ZNF214: variants seen among roughly 807,000 people sequenced by gnomAD.
ZNF214 encodes the protein zinc finger protein 214, also known as BWSCR2-associated zinc finger protein 1.
Under a neutral mutation model 53.9 loss-of-function variants are expected in ZNF214, and 43 were observed. The observed-to-expected ratio is 0.80, with a 90% CI of 0.63 to 1.03. The LOEUF (loss-of-function observed/expected upper bound fraction) is 1.03, where lower values mean the gene tolerates loss of function less well. ZNF214 is among the 50% of genes least tolerant of loss of function. The pLI, the probability that ZNF214 is intolerant of heterozygous loss-of-function variation, is 0.00. For synonymous variants in ZNF214, 217 were observed against 229.5 expected (o/e 0.95, Z 0.49); for missense variants, 724 against 719.1 (o/e 1.01, Z -0.08).
rs2133382769 is a variant in ZNF214 at position 7,001,370 on chromosome 11, C to T, written c.313G>A (p.Glu105Lys). 1.9e-6 allele frequency: 3 copies of T among 1,613,090 alleles called. No homozygotes were observed. The South Asian group carries it at 3.3e-5, about 18-fold the overall frequency. Residue 105 changes from glutamate to lysine, a missense_variant, in exon 3 of 3, where the codon GAA (glutamate) becomes AAA (lysine). Physicochemically the swap from Glu to Lys is moderately conservative, Grantham distance 56 (BLOSUM62 1). Transcript: ENST00000278314. ...ACTTGTGTGGAGAGTATTAACCATT[C>T]CTGACACTGGGAACGATCTTGCTGT... The part of the protein sequence containing the change: ...LTQQDRSQCQ[E>K]WLILSTQVPG...
At position 7,000,754 on chromosome 11, in the gene ZNF214, T is replaced by C; in HGVS notation, c.929A>G (p.Lys310Arg). The change falls in exon 3 of 3, where the codon AAG becomes AGG. Residue 310 changes from lysine to arginine, a missense_variant. Transcript: ENST00000278314. ...AAGACTAGAGATCTGGCTGAAGCTC[T>C]TACCACATGCATTACAGCTATAAGG... is the stretch of plus-strand genomic sequence containing the variant. The part of the protein sequence containing the change: ...EVPYSCNACG[K>R]SFSQISSLHN... 6.2e-7 allele frequency: 1 copy of C among 1,610,774 alleles called. No individual in the cohort carries two copies.
rs1019884622 is a variant in ZNF214, at chr11:6,997,298, C to T, written c.*2564G>A. 6.6e-6 allele frequency among the ~76,000 whole-genome samples: 1 copy of T among 151,810 alleles called. No homozygotes were observed. Among genetic ancestry groups the T allele is most frequent in the Non-Finnish European group, 1.5e-5 (1 of 67,838 alleles). Reference sequence around the variant, plus strand: ...CCTTTATGTTTGTCTAATAAACCTTCACCTGGTCTCACATTTAAGCAATAT... The same window carrying T: ...CCTTTATGTTTGTCTAATAAACCTTTACCTGGTCTCACATTTAAGCAATAT... On this transcript the variant is annotated 3_prime_UTR_variant, in exon 3 of 3. Transcript: ENST00000278314.
intron 2 of ZNF214, 117 bp from the exon 3 acceptor site, chr11:7,001,672 A>T: frequency 8.1e-7 from 1 of 1,231,950 alleles, no homozygotes; most frequent in Non-Finnish European, 1.1e-6. Flanking sequence ...GGGGTAGGAA[A>T]GAAGGGTTAT....
In ZNF214 at chr11:6,997,253, A is replaced by G. The variant is rs1429695129; in HGVS notation, c.*2609T>C. On this transcript the variant is annotated 3_prime_UTR_variant, in exon 3 of 3. Coordinates refer to ENST00000278314, the MANE Select transcript of ZNF214 (RefSeq NM_013249.4). The stretch of plus-strand genomic sequence containing the variant: ...TTAAATTAGTGCACTTTTCACCTTT[A>G]AAAACATATTGTAGGTACTCCTTTA... Among the ~76,000 whole-genome samples the G allele has an allele frequency of 1.3e-5, 2 of 151,888 alleles. 1 individual carries two copies. Among genetic ancestry groups the G allele is most frequent in the African/African-American group, 4.8e-5 (2 of 41,406 alleles).
chr11:7,006,440 A>T (rs1420087534), intron 1 of ZNF214, among the ~76,000 whole-genome samples: 1 of 152,034 alleles, frequency 6.6e-6, no homozygotes, highest in African/African-American at 2.4e-5. Flanking sequence ...CATTCTCTAT[A>T]CATCTGGAGT....
rs781215080 is a variant in ZNF214, at chr11:7,000,554, GATGAAC to G, written c.1123_1128del (p.Val375_His376del). 3 of 1,612,026 alleles carry G rather than the reference GATGAAC, an allele frequency of 1.9e-6. No individual in the cohort carries two copies. In the East Asian group the frequency reaches 6.7e-5, roughly 36 times the overall value. ...GGTTTTTCTCCTGTGTGGACTCTCT[GATGAAC>G]ATGAAGTACTGAACTCCGATTAAAA... is the stretch of plus-strand genomic sequence containing the variant. On this transcript the variant is annotated inframe_deletion, in exon 3 of 3. Transcript: ENST00000278314.
At chr11:7,007,928 T>C (rs10839681) in intron 1 of ZNF214, among the ~76,000 whole-genome samples, 1 of 151,722 alleles carries the variant, frequency 6.6e-6, no homozygotes, top group Non-Finnish European at 1.5e-5. Context: ...CTAGCTACAA[T>C]GTAATAAAAT....
At chr11:7,015,138 C>G (rs1851731256) in intron 1 of ZNF214, among the ~76,000 whole-genome samples, 1 of 143,998 alleles carries the variant, frequency 6.9e-6, no homozygotes, top group African/African-American at 2.6e-5. Context: ...GTTGCCCACG[C>G]TGGAGTGCGG....
intron 2 of ZNF214, 76 bp downstream of exon 2, chr11:7,002,633 C>G: frequency 3.5e-6 from 5 of 1,424,722 alleles, no homozygotes; most frequent in Non-Finnish European, 4.6e-6. Flanking sequence ...ATATAACACC[C>G]AGATAAAAAA....
chr11:7,008,461 C>A lies in ZNF214; in HGVS notation c.-20-5606G>T, dbSNP rs550719853. ...TAAATAAATAAATAAAATTAAAAAA[C>A]CCCAGCTAGACTAACATCATACTGA... On this transcript the variant is annotated intron_variant, in intron 1 of 2. Transcript: ENST00000278314. Among the ~76,000 whole-genome samples, 6 of 151,946 alleles carry A rather than the reference C, an allele frequency of 3.9e-5. No homozygotes were observed. The South Asian group carries it at 8.3e-4, about 21-fold the overall frequency.
At chr11:7,017,770 T>A (rs1427925377) in intron 1 of ZNF214, among the ~76,000 whole-genome samples, 2 of 149,114 alleles carry the variant, frequency 1.3e-5, no homozygotes, top group Non-Finnish European at 3.0e-5. Flanking sequence ...AAATAAAGCA[T>A]ACTATATACC....
At chr11:7,010,373 A>G (rs1851576389) in intron 1 of ZNF214, among the ~76,000 whole-genome samples, 1 of 152,038 alleles carries the variant, frequency 6.6e-6, no homozygotes, top group East Asian at 1.9e-4. Context: ...AAATATTGAG[A>G]ACACATGGAC....
chr11:7,009,835 C>T (rs1851563526), intron 1 of ZNF214, among the ~76,000 whole-genome samples: 1 of 152,100 alleles, frequency 6.6e-6, no homozygotes. Flanking sequence ...CATCACTAAT[C>T]ATCAGATAAA....
chr11:7,019,066 G>A (rs989657065), intron 1 of ZNF214, among the ~76,000 whole-genome samples: 1 of 152,102 alleles, frequency 6.6e-6, no homozygotes, highest in Admixed American at 6.6e-5. Flanking sequence ...TCCTCACTTG[G>A]GATCAGACTA....
chr11:7,002,335 T>A (rs1213658816), intron 2 of ZNF214, among the ~76,000 whole-genome samples: 1 of 151,906 alleles, frequency 6.6e-6, no homozygotes, highest in Non-Finnish European at 1.5e-5. Flanking sequence ...ATGAGAATCA[T>A]AAAAAATAAT....
intron 1 of ZNF214, among the ~76,000 whole-genome samples, chr11:7,009,790 T>TA (rs1412735329): frequency 6.6e-6 from 1 of 151,626 alleles, no homozygotes; most frequent in Admixed American, 6.6e-5. Context: ...AAAGAAGACA[T>TA]ACATGCAGTC....
chr11:7,019,273 A>G (rs1255624531), intron 1 of ZNF214, among the ~76,000 whole-genome samples: 1 of 152,200 alleles, frequency 6.6e-6, no homozygotes, highest in Non-Finnish European at 1.5e-5. Context: ...AAAGAAGCCT[A>G]TGAATGCTCT....
intron 1 of ZNF214, among the ~76,000 whole-genome samples, chr11:7,011,941 G>C (rs1851615369): frequency 6.6e-6 from 1 of 152,064 alleles, no homozygotes; most frequent in Non-Finnish European, 1.5e-5. Flanking sequence ...CAATAAAGAA[G>C]AAAGATTATC....
intron 1 of ZNF214, among the ~76,000 whole-genome samples, chr11:7,004,013 G>T (rs1427963161): frequency 2.6e-5 from 4 of 151,656 alleles, no homozygotes; most frequent in African/African-American, 4.8e-5. Flanking sequence ...GTGAAAGTTG[G>T]TATCTGGAAA....
Sources: allele counts gnomAD v4.1 joint callset (sites outside exome capture counted in the v4.1 genomes callset), GRCh38; gene constraint gnomAD v4.1.1; transcripts MANE v1.5; gene names NCBI Gene and HGNC (gene_info 2026-07-23, HGNC 2026-07-21).